The following NEBL variants were observed in gnomAD, a reference collection of about 807,000 sequenced individuals.
NEBL encodes the protein LIM and SH3 protein 2.
Under a neutral mutation model 140.2 loss-of-function variants are expected in NEBL, and 122 were observed. The observed-to-expected ratio is 0.87, with a 90% CI of 0.75 to 1.01. The LOEUF is 1.01. NEBL is among the 50% of genes least tolerant of loss of function. The pLI is 0.00. For synonymous variants in NEBL, 436 were observed against 398.9 expected (o/e 1.09, Z -1.11); for missense variants, 1,365 against 1,231.3 (o/e 1.11, Z -1.62).
intron 2 of NEBL, among the ~76,000 whole-genome samples, chr10:21,096,671 G>A (rs566326454): frequency 2.6e-5 from 4 of 152,156 alleles, no homozygotes; most frequent in African/African-American, 9.6e-5. Context: ...TCACCACCAT[G>A]TCTGGCTAAT....
chr10:21,087,538 C>T (rs1347711973), intron 2 of NEBL, among the ~76,000 whole-genome samples: 1 of 152,172 alleles, frequency 6.6e-6, no homozygotes, highest in Non-Finnish European at 1.5e-5. Flanking sequence ...AATTCACAAT[C>T]CACCTCTCCT....
intron 22 of NEBL, among the ~76,000 whole-genome samples, chr10:20,815,023 T>C (rs1005164055): frequency 6.6e-6 from 1 of 152,166 alleles, no homozygotes; most frequent in African/African-American, 2.4e-5. Context: ...TTTATGAAAC[T>C]GATTAGGTGT....
intron 2 of NEBL, among the ~76,000 whole-genome samples, chr10:21,061,741 T>C (rs1452993765): frequency 1.3e-5 from 2 of 152,138 alleles, no homozygotes; most frequent in East Asian, 1.9e-4. Flanking sequence ...CTAAAAGTGG[T>C]TGTGACCTCC....
chr10:21,227,963 CA>C (rs1023834286), intron 3 of NEBL, among the ~76,000 whole-genome samples: 1 of 151,838 alleles, frequency 6.6e-6, no homozygotes, highest in African/African-American at 2.4e-5. Flanking sequence ...TAGATATTTA[CA>C]TTTACATTCT....
chr10:21,146,397 T>C (rs767349111), intron 2 of NEBL: 67 of 1,607,458 alleles, frequency 4.2e-5, no homozygotes, highest in Non-Finnish European at 5.7e-5. Flanking sequence ...GACTGGTTGA[T>C]TAGTAAAGCA....
chr10:21,000,230 G>A (rs945918244), intron 3 of NEBL, among the ~76,000 whole-genome samples: 2 of 134,602 alleles, frequency 1.5e-5, no homozygotes, highest in African/African-American at 5.4e-5. Context: ...TGGGGGGCCA[G>A]AGGGGGGCAG....
chr10:21,034,233 T>A (rs1833925822), intron 2 of NEBL, among the ~76,000 whole-genome samples: 2 of 148,200 alleles, frequency 1.3e-5, no homozygotes, highest in Non-Finnish European at 3.0e-5. Context: ...TTCAGGTATA[T>A]ATTTTCCATT....
At chr10:21,237,965 C>T (rs1254404440) in intron 3 of NEBL, among the ~76,000 whole-genome samples, 1 of 152,156 alleles carries the variant, frequency 6.6e-6, no homozygotes, top group Non-Finnish European at 1.5e-5. Flanking sequence ...GCCTTAGACC[C>T]CTCAGTGATC....
chr10:21,139,500 G>T (rs553433067), intron 2 of NEBL, among the ~76,000 whole-genome samples: 1 of 152,166 alleles, frequency 6.6e-6, no homozygotes, highest in Non-Finnish European at 1.5e-5. Flanking sequence ...GCATCTGAAG[G>T]GTGTGGACCA....
chr10:20,992,973 C>T (rs1837526350), intron 3 of NEBL, among the ~76,000 whole-genome samples: 3 of 151,276 alleles, frequency 2.0e-5, no homozygotes, highest in African/African-American at 4.9e-5. Context: ...TTAGTAGAGA[C>T]GGGGTTTCAC....
At chr10:20,825,560 G>A (rs1157791967) in intron 18 of NEBL, among the ~76,000 whole-genome samples, 8 of 151,840 alleles carry the variant, frequency 5.3e-5, no homozygotes, top group Non-Finnish European at 7.4e-5. Context: ...CCAGCTACTC[G>A]GGAGGCTGAG....
chr10:21,005,969 T>A (rs888016824), intron 3 of NEBL, among the ~76,000 whole-genome samples: 31 of 152,088 alleles, frequency 2.0e-4, no homozygotes, highest in African/African-American at 7.5e-4. Flanking sequence ...ATATTCCTAA[T>A]CAGAGCTAAA....
chr10:21,278,633 T>C lies in NEBL; in HGVS notation n.182+14197A>G, dbSNP rs1842953448. ...TCAGCTGTTTACTGTATTAGGGGTCTATCGGAGCACTGATTTGAGGAAAGG... is the reference window on the plus strand; with the variant it reads ...TCAGCTGTTTACTGTATTAGGGGTCCATCGGAGCACTGATTTGAGGAAAGG... On this transcript the variant is annotated intron_variant and non_coding_transcript_variant, in intron 1 of 8. Coordinates refer to the NEBL transcript ENST00000675702. Among the ~76,000 whole-genome samples the C allele has an allele frequency of 2.0e-5, 3 of 152,294 alleles. No individual in the cohort carries two copies. The South Asian group carries it at 6.2e-4, about 32-fold the overall frequency.
intron 2 of NEBL, among the ~76,000 whole-genome samples, chr10:21,152,583 G>GA (rs377436400): frequency 0.24 from 32,462 of 137,856 alleles, 3,516 homozygotes; most frequent in East Asian, 0.34. Flanking sequence ...CAAGAAAAAA[G>GA]AAAAAAAAAA....
intron 2 of NEBL, among the ~76,000 whole-genome samples, chr10:21,131,841 G>C (rs1392833135): frequency 1.3e-5 from 2 of 152,050 alleles, no homozygotes; most frequent in African/African-American, 4.8e-5. Context: ...AGTGCCCTTG[G>C]GTGCCCAAAG....
chr10:21,108,756 G>C (rs1024778865), intron 2 of NEBL, among the ~76,000 whole-genome samples: 8 of 152,162 alleles, frequency 5.3e-5, no homozygotes, highest in African/African-American at 1.9e-4. Flanking sequence ...AATATTAGCA[G>C]TGGGGTGTTA....
In NEBL at chr10:20,978,575, A is replaced by C. The variant is rs1836898841; in HGVS notation, c.250-16796T>G. On this transcript the variant is annotated intron_variant, in intron 3 of 6. Transcript: ENST00000417816. The stretch of plus-strand genomic sequence containing the variant: ...AGTTCGAGAACAGCCTGTGCAACAT[A>C]GCAAGAACTGGTCTCTAATAAAAAT... Among the ~76,000 whole-genome samples, 4 of 152,064 alleles carry C rather than the reference A, an allele frequency of 2.6e-5. 1 individual carries two copies. The South Asian group carries it at 8.3e-4, about 32-fold the overall frequency.
At chr10:21,192,761 C>T (rs1392844970) in intron 3 of NEBL, among the ~76,000 whole-genome samples, 6 of 150,984 alleles carry the variant, frequency 4.0e-5, no homozygotes, top group Non-Finnish European at 7.4e-5. Context: ...AGGAGAATTG[C>T]TTGAACCCAG....
chr10:21,119,734 T>C (rs902872263), intron 2 of NEBL, among the ~76,000 whole-genome samples: 2 of 152,064 alleles, frequency 1.3e-5, no homozygotes, highest in African/African-American at 4.8e-5. Flanking sequence ...AATTGACCAT[T>C]GATACAATAT....
Sources: gnomAD v4.1 joint callset for allele counts (sites outside exome capture counted in the v4.1 genomes callset) on GRCh38, gnomAD v4.1.1 for gene constraint, MANE v1.5 for transcripts, NCBI Gene and HGNC (gene_info 2026-07-23, HGNC 2026-07-21) for gene names.